Variants in HS2ST1 observed in about 807,000 individuals in gnomAD.
The protein encoded by HS2ST1 is 2-O-sulfotransferase.
In HS2ST1, 18 loss-of-function variants were observed where a neutral mutation model predicts 42.9. The ratio of observed to expected loss-of-function variants is 0.42; its 90% confidence interval spans 0.29 to 0.62. The LOEUF (loss-of-function observed/expected upper bound fraction) is 0.62, where lower values mean the gene tolerates loss of function less well. Among genes scored for constraint, HS2ST1 ranks in the 20% least tolerant of loss-of-function variants. The pLI is 0.21. For missense variants in HS2ST1, 334 were observed against 433.8 expected, an observed-to-expected ratio of 0.77 and a Z score of 2.04; for synonymous variants, 146 against 152.9, an observed-to-expected ratio of 0.95 and a Z score of 0.33.
At chr1:86,931,578 G>A (rs1660541142) in intron 1 of HS2ST1, among the ~76,000 whole-genome samples, 1 of 151,972 alleles carries the variant, frequency 6.6e-6, no homozygotes, top group Non-Finnish European at 1.5e-5. Context: ...ATAATAACAA[G>A]GATAGTTTGG....
chr1:86,986,570 G>A (rs990175487), intron 1 of HS2ST1, among the ~76,000 whole-genome samples: 1 of 152,112 alleles, frequency 6.6e-6, no homozygotes, highest in African/African-American at 2.4e-5. Flanking sequence ...AGATTATTTT[G>A]GATTATCTAC....
chr1:87,043,656 A>C (rs1650572578), intron 1 of HS2ST1, among the ~76,000 whole-genome samples: 1 of 152,018 alleles, frequency 6.6e-6, no homozygotes, highest in African/African-American at 2.4e-5. Context: ...GTTGTTTGGA[A>C]CCGAAATAAC....
intron 1 of HS2ST1, among the ~76,000 whole-genome samples, chr1:87,061,320 T>C (rs563241640): frequency 2.6e-5 from 4 of 152,218 alleles, no homozygotes; most frequent in African/African-American, 9.6e-5. Flanking sequence ...ATTCACAATA[T>C]TGTACAAGCA....
chr1:86,961,182 G>A lies in HS2ST1; in HGVS notation c.124+46022G>A, dbSNP rs75578023. Among the ~76,000 whole-genome samples, 219 of 151,700 alleles carry A rather than the reference G, an allele frequency of 1.4e-3. 1 individual carries two copies. Among genetic ancestry groups the A allele is most frequent in the African/African-American group, 5.0e-3 (208 of 41,324 alleles). The stretch of plus-strand genomic sequence containing the variant: ...TACTTGGAGATTGAGGTTACAGTGA[G>A]CTATGACCACACCACTGTACCCCAG... On this transcript the variant is annotated intron_variant, in intron 1 of 6. Coordinates refer to ENST00000370550, the MANE Select transcript of HS2ST1 (RefSeq NM_012262.4).
intron 1 of HS2ST1, among the ~76,000 whole-genome samples, chr1:86,928,208 G>A (rs546936257): frequency 6.6e-6 from 1 of 152,066 alleles, no homozygotes; most frequent in East Asian, 1.9e-4. Context: ...AGTTTCTAAG[G>A]TGTGATGTAA....
intron 1 of HS2ST1, among the ~76,000 whole-genome samples, chr1:87,041,406 A>T (rs910574567): frequency 6.6e-6 from 1 of 151,538 alleles, no homozygotes; most frequent in Admixed American, 6.6e-5. Flanking sequence ...ATATAAATTT[A>T]AAAAAAGAAG....
intron 1 of HS2ST1, among the ~76,000 whole-genome samples, chr1:86,944,024 C>CA (rs35248679): frequency 0.27 from 39,515 of 144,628 alleles, 6,106 homozygotes; most frequent in African/African-American, 0.44. Context: ...AACTCTGTCT[C>CA]AAAAAAAAAA....
At chr1:87,060,904 A>G (rs935281076) in intron 1 of HS2ST1, among the ~76,000 whole-genome samples, 2 of 152,114 alleles carry the variant, frequency 1.3e-5, no homozygotes, top group Non-Finnish European at 2.9e-5. Context: ...TAATTACTTT[A>G]ATGTTTTTAT....
intron 1 of HS2ST1, among the ~76,000 whole-genome samples, chr1:86,925,303 G>T (rs1660391168): frequency 6.6e-6 from 1 of 152,102 alleles, no homozygotes; most frequent in South Asian, 2.1e-4. Context: ...TTCCTGTCTT[G>T]TTCTGAGCCC....
intron 1 of HS2ST1, among the ~76,000 whole-genome samples, chr1:87,034,579 G>A (rs1650324231): frequency 6.6e-6 from 1 of 152,130 alleles, no homozygotes; most frequent in African/African-American, 2.4e-5. Flanking sequence ...CTAGTACAAT[G>A]AGCTCTAGGA....
intron 3 of HS2ST1, among the ~76,000 whole-genome samples, chr1:87,084,733 A>G (rs763361823): frequency 5.9e-5 from 9 of 152,164 alleles, no homozygotes; most frequent in Non-Finnish European, 1.3e-4. Flanking sequence ...ATTATGATGT[A>G]TTACGAGGCT....
chr1:86,970,369 A>T (rs1009598325), intron 1 of HS2ST1, among the ~76,000 whole-genome samples: 118 of 152,322 alleles, frequency 7.7e-4, no homozygotes, highest in African/African-American at 2.8e-3. Flanking sequence ...GCTTAATGAA[A>T]TATAAATTAA....
chr1:87,104,095 G>C (rs751948943), intron 6 of HS2ST1, among the ~76,000 whole-genome samples: 2 of 152,104 alleles, frequency 1.3e-5, no homozygotes, highest in African/African-American at 2.4e-5. Context: ...CATAATTTTA[G>C]AGAATACAGA....
chr1:87,006,875 G>T (rs1274800541), intron 1 of HS2ST1, among the ~76,000 whole-genome samples: 3 of 152,102 alleles, frequency 2.0e-5, no homozygotes, highest in African/African-American at 4.8e-5. Context: ...ATAAGGACAA[G>T]TCACTGTTAA....
chr1:86,979,626 T>C (rs540135660), intron 1 of HS2ST1, among the ~76,000 whole-genome samples: 1 of 152,362 alleles, frequency 6.6e-6, no homozygotes, highest in Non-Finnish European at 1.5e-5. Context: ...CTTGGATTGC[T>C]TCTACCTTTT....
intron 1 of HS2ST1, among the ~76,000 whole-genome samples, chr1:86,918,213 T>A (rs1419157872): frequency 6.8e-6 from 1 of 147,754 alleles, no homozygotes; most frequent in Non-Finnish European, 1.5e-5. Flanking sequence ...TAGGAATTCC[T>A]AAAAAAAAAA....
intron 1 of HS2ST1, among the ~76,000 whole-genome samples, chr1:86,928,104 C>T (rs1411461893): frequency 6.6e-6 from 1 of 152,032 alleles, no homozygotes; most frequent in Non-Finnish European, 1.5e-5. Context: ...AATCTTGCTG[C>T]AAACCTGAAT....
At position 86,985,495 on chromosome 1, in the gene HS2ST1, TAC is replaced by T. The variant is rs1288415289; in HGVS notation, c.124+70339_124+70340del. Among the ~76,000 whole-genome samples the T allele has an allele frequency of 1.2e-4, 9 of 75,484 alleles. 1 individual carries two copies. Among genetic ancestry groups the T allele is most frequent in the South Asian group, 1.2e-3 (2 of 1,642 alleles). The allele number at this position is 75,484 out of a possible 152,430, so 49.5% of individuals were successfully genotyped here. ...ATATACACATATATACACATATATA[TAC>T]ACATATATACACATATATATACACA... On this transcript the variant is annotated intron_variant, in intron 1 of 6. Coordinates refer to ENST00000370550, the MANE Select transcript of HS2ST1 (RefSeq NM_012262.4).
chr1:86,940,673 T>G (rs940081597), intron 1 of HS2ST1, among the ~76,000 whole-genome samples: 2 of 152,180 alleles, frequency 1.3e-5, no homozygotes, highest in African/African-American at 2.4e-5. Context: ...AAAATTCTCA[T>G]ATGACTTTGG....
Sources: gnomAD v4.1 joint callset for allele counts (sites outside exome capture counted in the v4.1 genomes callset) on GRCh38, gnomAD v4.1.1 for gene constraint, MANE v1.5 for transcripts, NCBI Gene and HGNC (gene_info 2026-07-23, HGNC 2026-07-21) for gene names.